The following TKFC variants were observed in gnomAD, a reference collection of about 807,000 sequenced individuals.
TKFC encodes the protein triokinase and FMN cyclase.
TKFC carries 46 observed loss-of-function variants against 61.0 expected under a neutral mutation model. The ratio of observed to expected loss-of-function variants is 0.75; its 90% CI spans 0.60 to 0.96. The LOEUF is 0.96. Ranked by LOEUF, TKFC falls within the 50% of genes least tolerant of loss-of-function variation. The pLI, the probability that TKFC is intolerant of heterozygous loss-of-function variation, is 0.00. For synonymous variants in TKFC, 314 were observed against 330.1 expected (o/e 0.95, Z 0.53); for missense variants, 715 against 777.5 (o/e 0.92, Z 0.96).
Position 61,337,280 on chromosome 11 carries a change from G to A in TKFC, c.4-661G>A, listed in dbSNP as rs1204229496. Among the ~76,000 whole-genome samples, 3 of 152,266 alleles carry A rather than the reference G, an allele frequency of 2.0e-5. No homozygotes were observed. In the East Asian group the frequency reaches 5.8e-4, roughly 29 times the overall value. ...CCCACCTCAGCCTTCCGACTAGTGG[G>A]ACTCCAGGCATGCACCACCATGCCT... On this transcript the variant is annotated intron_variant, in intron 2 of 17. Coordinates refer to ENST00000394900, the MANE Select transcript of TKFC (RefSeq NM_015533.4).
rs763617693 is a variant in TKFC at position 61,338,023 on chromosome 11, A to C, written c.86A>C (p.Gln29Pro). Residue 29 changes from glutamine (Q) to proline (P), a missense_variant, in exon 3 of 18, where the codon CAG becomes CCG. Physicochemically the swap from Gln to Pro is moderately conservative, Grantham distance 76. Coordinates refer to ENST00000394900, the MANE Select transcript of TKFC (RefSeq NM_015533.4). ...AGLVACNPNL[Q>P]LLQGHRVALR... ...CTGGTGGCCTGCAACCCCAACCTGC[A>C]GCTCCTGCAGGGCCACCGCGTGGCC... The C allele has an allele frequency of 4.3e-6, 7 of 1,613,582 alleles. No individual in the cohort carries two copies. The highest frequency in any genetic ancestry group is 5.9e-6 in the Non-Finnish European group (7 of 1,179,916).
downstream of TKFC, chr11:61,351,105 C>T (rs1010635484): frequency 2.5e-5 from 40 of 1,613,716 alleles, no homozygotes; most frequent in Non-Finnish European, 3.1e-5. Context: ...TGGCAAAGAC[C>T]GCCTCACTGG....
chr11:61,334,868 T>G (rs1856539114), intron 2 of TKFC, 137 bp downstream of exon 2: 5 of 1,298,886 alleles, frequency 3.8e-6, no homozygotes, highest in African/African-American at 1.5e-5. Context: ...AGAGAGAGGG[T>G]CATCCTCTCT....
chr11:61,333,830 GCACACTC>G (rs1241192948), intron 1 of TKFC: 3 of 152,162 alleles, frequency 2.0e-5, no homozygotes, highest in African/African-American at 7.2e-5. Flanking sequence ...ACGTGGCTTG[GCACACTC>G]GCAGAATGCC....
intron 2 of TKFC, chr11:61,335,800 GT>G (rs569267216): frequency 2.6e-4 from 38 of 146,728 alleles, no homozygotes; most frequent in East Asian, 4.0e-4. Context: ...TTTAGTTTGG[GT>G]TTTTTTTTTT....
intron 8 of TKFC, 38 bp downstream of exon 8, chr11:61,342,533 A>G (rs1856904810): frequency 1.9e-6 from 3 of 1,613,962 alleles, no homozygotes; most frequent in Admixed American, 3.3e-5. Context: ...CCTAAGGCCA[A>G]GGCCCCCCAG....
rs1025053866 is a variant in TKFC at position 61,347,660 on chromosome 11, C to T, written c.*1157C>T. On this transcript the variant is annotated 3_prime_UTR_variant, in exon 18 of 18. Coordinates refer to ENST00000394900, the MANE Select transcript of TKFC (RefSeq NM_015533.4). The stretch of plus-strand genomic sequence containing the variant: ...TGTATGCATGTGGAGACAAACAGCA[C>T]ATGCCTGGCACACATGTAGGGTAGG... The T allele has an allele frequency of 8.1e-6, 8 of 985,238 alleles. No homozygotes were observed. In the Admixed American group the frequency reaches 4.3e-4, roughly 53 times the overall value. 61.0% of individuals were successfully genotyped at this position (985,238 alleles called of 1,614,324 possible). A position where few individuals can be genotyped will look rare whatever the true frequency, so the allele number is the denominator to read the frequency against.
intron 13 of TKFC, 130 bp downstream of exon 13, chr11:61,344,403 C>T: frequency 1.6e-6 from 2 of 1,274,960 alleles, no homozygotes; most frequent in Non-Finnish European, 2.1e-6. Flanking sequence ...CACTCTGTCG[C>T]TAGGCTGGAG....
Position 61,343,978 on chromosome 11 carries a change from A to T in TKFC, c.1102+3A>T. On this transcript the variant is annotated splice_donor_region_variant and intron_variant, in intron 12 of 17. Transcript: ENST00000394900. ...CCCTGATTCCACTGCTGCAGGAGGT[A>T]CCAACCCCTGCCTTTGGGGAAGGGA... 6.2e-7 allele frequency: 1 copy of T among 1,610,632 alleles called. No individual in the cohort carries two copies.
At position 61,347,483 on chromosome 11, in the gene TKFC, G is replaced by A. The variant is rs1400017877; in HGVS notation, c.*980G>A. Reference sequence around the variant, plus strand: ...GGGCCCAGGAGGTCGAGGCTGCGGTGAGCCATAAGCATGCCACTATACTCC... The same window carrying A: ...GGGCCCAGGAGGTCGAGGCTGCGGTAAGCCATAAGCATGCCACTATACTCC... On this transcript the variant is annotated 3_prime_UTR_variant, in exon 18 of 18. Coordinates refer to ENST00000394900, the MANE Select transcript of TKFC (RefSeq NM_015533.4). 4 of 982,094 alleles carry A rather than the reference G, an allele frequency of 4.1e-6. No individual in the cohort carries two copies. The highest frequency in any genetic ancestry group is 4.8e-6 in the Non-Finnish European group (4 of 828,196). 60.8% of individuals were successfully genotyped at this position (982,094 alleles called of 1,614,324 possible). A position where few individuals can be genotyped will look rare whatever the true frequency, so the allele number is the denominator to read the frequency against.
intron 13 of TKFC, 97 bp from the exon 14 acceptor site, chr11:61,345,163 C>T (rs1857057021): frequency 1.7e-5 from 17 of 1,023,014 alleles, no homozygotes; most frequent in Non-Finnish European, 2.4e-5. Flanking sequence ...CATTCCACTT[C>T]CCTGTCGGCC....
At chr11:61,350,703 C>G, downstream of TKFC, 1 of 593,678 alleles carries the variant, frequency 1.7e-6, no homozygotes, top group South Asian at 2.3e-5. Flanking sequence ...CAGTCAAGCC[C>G]TTCCTTGGGG....
At chr11:61,349,607 G>C (rs1378774614), downstream of TKFC, 3 of 702,872 alleles carry the variant, frequency 4.3e-6, no homozygotes, top group African/African-American at 1.7e-5. Context: ...TAAGTCACAG[G>C]GAAAGGCCGG....
At chr11:61,334,867 G>A in intron 2 of TKFC, 136 bp downstream of exon 2, 6 of 1,290,140 alleles carry the variant, frequency 4.7e-6, no homozygotes, top group Admixed American at 1.9e-5. Flanking sequence ...AAGAGAGAGG[G>A]TCATCCTCTC....
chr11:61,345,320 A>G lies in TKFC; in HGVS notation c.1301A>G (p.Lys434Arg). 1.2e-6 allele frequency: 2 copies of G among 1,604,850 alleles called. No individual in the cohort carries two copies. The highest frequency in any genetic ancestry group is 1.7e-6 in the Non-Finnish European group (2 of 1,173,842). The change falls in exon 14 of 18, where the codon AAG (lysine) becomes AGG (arginine). Residue 434 changes from lysine to arginine, a missense_variant. Coordinates refer to ENST00000394900, the MANE Select transcript of TKFC (RefSeq NM_015533.4). The stretch of plus-strand genomic sequence containing the variant: ...GCCAGCCCTGCCCAGCTGCTCTCCA[A>G]GTTGTCTGTCCTGCTCCTGGAGAAG... The part of the protein sequence containing the change: ...PPASPAQLLS[K>R]LSVLLLEKMG...
chr11:61,352,682 T>C (rs896131360), downstream of TKFC: 5 of 637,468 alleles, frequency 7.8e-6, no homozygotes. Flanking sequence ...AAAAAGAAAA[T>C]GGCAATGACA....
downstream of TKFC, chr11:61,350,695 G>T: frequency 1.7e-6 from 1 of 592,466 alleles, no homozygotes; most frequent in Non-Finnish European, 2.9e-6. Flanking sequence ...CCTTGTCACA[G>T]TCAAGCCCTT....
downstream of TKFC, chr11:61,350,354 A>G (rs1371425071): frequency 1.3e-6 from 2 of 1,598,740 alleles, no homozygotes; most frequent in Non-Finnish European, 1.7e-6. Context: ...TGAGGGGAGC[A>G]CAGGCTGCAC....
downstream of TKFC, chr11:61,351,056 C>G (rs1857381553): frequency 1.9e-6 from 3 of 1,614,024 alleles, no homozygotes; most frequent in South Asian, 1.1e-5. Flanking sequence ...ATGTAGAGCA[C>G]CAGCAGCCCA....
Sources: gnomAD v4.1 joint callset for allele counts (sites outside exome capture counted in the v4.1 genomes callset) on GRCh38, gnomAD v4.1.1 for gene constraint, MANE v1.5 for transcripts, NCBI Gene and HGNC (gene_info 2026-07-23, HGNC 2026-07-21) for gene names.